GNB4: variants seen among roughly 807,000 people sequenced by gnomAD.
GNB4 encodes G protein subunit beta 4.
Under a neutral mutation model 45.2 loss-of-function variants are expected in GNB4, and 28 were observed. The ratio of observed to expected loss-of-function variants is 0.62; its 90% CI spans 0.46 to 0.85. GNB4 has a LOEUF of 0.85. Ranked by LOEUF, GNB4 falls within the 40% of genes least tolerant of loss-of-function variation. The pLI is 0.00. For synonymous variants in GNB4, 132 were observed against 143.7 expected, an observed-to-expected ratio of 0.92 and a Z score of 0.58; for missense variants, 321 against 425.4, an observed-to-expected ratio of 0.75 and a Z score of 2.16.
At chr3:179,507,855 ATGTCT>A in the GNB4 span, among the ~76,000 whole-genome samples, 1 of 152,338 alleles carries the variant, frequency 6.6e-6, no homozygotes, top group African/African-American at 2.4e-5. Context: ...ATCACAGATC[ATGTCT>A]TGTTCATCAT....
chr3:179,477,009 G>A, the GNB4 span, among the ~76,000 whole-genome samples: 1 of 152,168 alleles, frequency 6.6e-6, no homozygotes, highest in Non-Finnish European at 1.5e-5. Context: ...GCCAATAGAA[G>A]GTGCTCTGAA....
chr3:179,464,826 A>G, the GNB4 span: 1 of 1,334,742 alleles, frequency 7.5e-7, no homozygotes. Context: ...CATGTAATTA[A>G]TGCAGGGCGA....
rs1313132540 is a variant in GNB4 at position 179,399,654 on chromosome 3, A to C, written c.*1559T>G. The C allele has an allele frequency of 6.6e-6, 1 of 152,220 alleles. No individual in the cohort carries two copies. The highest frequency in any genetic ancestry group is 1.5e-5 in the Non-Finnish European group (1 of 68,042). The allele number at this position is 152,220 out of a possible 1,614,324, so 9.4% of individuals were successfully genotyped here. A position where few individuals can be genotyped will look rare whatever the true frequency, so the allele number is the denominator to read the frequency against. On this transcript the variant is annotated 3_prime_UTR_variant, in exon 10 of 10. Transcript: ENST00000232564. ...TTTAATAAAACTGATACATCTTTAC[A>C]GTTGATGCACATATTAGCACATTCA... is the stretch of plus-strand genomic sequence containing the variant.
Position 179,420,465 on chromosome 3 carries a change from TA to T in GNB4, c.96+423del, listed in dbSNP as rs1437662399. Reference sequence around the variant, plus strand: ...TTGAAAATATATATACATATATATATATATATTTTTTTTTGAGACGGCGTCT... The same window carrying T: ...TTGAAAATATATATACATATATATATTATATTTTTTTTTGAGACGGCGTCT... On this transcript the variant is annotated intron_variant, in intron 3 of 9. Transcript: ENST00000232564. 1.8e-3 allele frequency among the ~76,000 whole-genome samples: 153 copies of T among 84,848 alleles called. 1 individual carries two copies. The highest frequency in any genetic ancestry group is 5.3e-3 in the Middle Eastern group (1 of 190). The allele number at this position is 84,848 out of a possible 152,430, so 55.7% of individuals were successfully genotyped here.
chr3:179,525,833 G>A, the GNB4 span, among the ~76,000 whole-genome samples: 1 of 152,256 alleles, frequency 6.6e-6, no homozygotes, highest in Non-Finnish European at 1.5e-5. Flanking sequence ...TGAAATTGGT[G>A]AGATGTTCCT....
the GNB4 span, among the ~76,000 whole-genome samples, chr3:179,527,016 CTG>C: frequency 2.0e-5 from 3 of 152,286 alleles, 1 homozygote; most frequent in South Asian, 4.2e-4. Flanking sequence ...CAGGATAAGA[CTG>C]TGCATTGTTC....
chr3:179,447,073 C>T (rs768719961), intron 1 of GNB4, among the ~76,000 whole-genome samples: 3 of 151,972 alleles, frequency 2.0e-5, no homozygotes, highest in Non-Finnish European at 4.4e-5. Context: ...AAAAAAACTG[C>T]AAGAACTTCA....
the GNB4 span, among the ~76,000 whole-genome samples, chr3:179,462,729 T>G: frequency 6.6e-6 from 1 of 151,990 alleles, no homozygotes; most frequent in Non-Finnish European, 1.5e-5. Context: ...TCCCAGCTAC[T>G]CGGGAGGCTG....
At chr3:179,507,681 C>A in the GNB4 span, among the ~76,000 whole-genome samples, 1 of 152,186 alleles carries the variant, frequency 6.6e-6, no homozygotes, top group African/African-American at 2.4e-5. Context: ...TCCCCAAACT[C>A]AGCTCAGACA....
At chr3:179,415,563 G>GT (rs1714774545) in intron 5 of GNB4, among the ~76,000 whole-genome samples, 1 of 151,902 alleles carries the variant, frequency 6.6e-6, no homozygotes, top group Non-Finnish European at 1.5e-5. Context: ...AATGGTGATA[G>GT]TTTTTTATTG....
chr3:179,504,616 G>A, the GNB4 span, among the ~76,000 whole-genome samples: 4 of 152,182 alleles, frequency 2.6e-5, no homozygotes, highest in Non-Finnish European at 5.9e-5. Context: ...GCAGGTATTT[G>A]GAGGACACAG....
At chr3:179,463,927 G>A in the GNB4 span, among the ~76,000 whole-genome samples, 1 of 152,094 alleles carries the variant, frequency 6.6e-6, no homozygotes, top group Non-Finnish European at 1.5e-5. Flanking sequence ...AAAGCCCCTG[G>A]CCAATACTGT....
At chr3:179,502,780 C>A in the GNB4 span, among the ~76,000 whole-genome samples, 1 of 152,126 alleles carries the variant, frequency 6.6e-6, no homozygotes, top group Non-Finnish European at 1.5e-5. Context: ...AAAATATAGT[C>A]ATTTAAATCA....
chr3:179,508,690 T>C, the GNB4 span, among the ~76,000 whole-genome samples: 1 of 151,844 alleles, frequency 6.6e-6, no homozygotes, highest in African/African-American at 2.4e-5. Flanking sequence ...CTATATCAAG[T>C]TAGTGACATA....
At chr3:179,470,161 G>C in the GNB4 span, among the ~76,000 whole-genome samples, 1 of 152,138 alleles carries the variant, frequency 6.6e-6, no homozygotes, top group Admixed American at 6.5e-5. Flanking sequence ...CAACTTTGTG[G>C]CTGGTTTATA....
At position 179,405,199 on chromosome 3, in the gene GNB4, C is replaced by G. The variant is rs746540283; in HGVS notation, c.907G>C (p.Asp303His). The G allele has an allele frequency of 6.2e-7, 1 of 1,612,780 alleles. No individual in the cohort carries two copies. Among genetic ancestry groups the G allele is most frequent in the Admixed American group, 1.7e-5 (1 of 59,844 alleles). Reference sequence around the variant, plus strand: ...GGACTTATTTACTAACCTGCACGATCTCCTTTTAGCGTGTCCCATACATTA... The same window carrying G: ...GGACTTATTTACTAACCTGCACGATGTCCTTTTAGCGTGTCCCATACATTA... ...NCNVWDTLKG[D>H]RAGVLAGHDN... The change falls in exon 9 of 10, where the codon GAT becomes CAT. Residue 303 changes from aspartate to histidine, a missense_variant. By Grantham distance (81) the Asp-to-His change is moderately conservative. Coordinates refer to ENST00000232564, the MANE Select transcript of GNB4 (RefSeq NM_021629.4).
chr3:179,468,035 A>AAAAAAAAAAAATATATATAT, the GNB4 span, among the ~76,000 whole-genome samples: 2,228 of 89,768 alleles, frequency 0.025, 165 homozygotes, highest in Middle Eastern at 0.092. Flanking sequence ...TGTTGATAAA[A>AAAAAAAAAAAATATATATAT]ATATATATAT....
At chr3:179,521,123 TC>T in the GNB4 span, among the ~76,000 whole-genome samples, 1 of 152,044 alleles carries the variant, frequency 6.6e-6, no homozygotes, top group East Asian at 1.9e-4. Flanking sequence ...CTAAAATACC[TC>T]TTAGTCTTGG....
intron 1 of GNB4, among the ~76,000 whole-genome samples, chr3:179,444,423 G>GTTT (rs34220563): frequency 1.5e-5 from 2 of 135,146 alleles, no homozygotes; most frequent in Non-Finnish European, 1.6e-5. Flanking sequence ...TTTTCAGGGT[G>GTTT]TTTTTTTTTT....
Sources: allele counts gnomAD v4.1 joint callset (sites outside exome capture counted in the v4.1 genomes callset), GRCh38; gene constraint gnomAD v4.1.1; transcripts MANE v1.5; gene names NCBI Gene and HGNC (gene_info 2026-07-23, HGNC 2026-07-21).